The following ESF1 variants were observed in gnomAD, a reference collection of about 807,000 sequenced individuals.
ESF1 encodes the protein ESF1 homolog.
ESF1 carries 58 observed loss-of-function variants against 92.0 expected under a neutral mutation model. That is an observed-to-expected ratio of 0.63 (90% confidence interval 0.51 to 0.78). The LOEUF is 0.78. ESF1 is among the 30% of genes least tolerant of loss of function. The pLI is 0.00. For missense variants in ESF1, 922 were observed against 989.1 expected, an observed-to-expected ratio of 0.93 and a Z score of 0.91; for synonymous variants, 321 against 313.7, an observed-to-expected ratio of 1.02 and a Z score of -0.24.
intron 11 of ESF1, among the ~76,000 whole-genome samples, chr20:13,723,789 T>G (rs2147721770): frequency 6.6e-6 from 1 of 152,322 alleles, no homozygotes; most frequent in East Asian, 1.9e-4. Context: ...GAACTTGAAC[T>G]GTACACTGAA....
intron 9 of ESF1, among the ~76,000 whole-genome samples, chr20:13,754,127 T>TGA (rs1978767538): frequency 6.6e-6 from 1 of 152,184 alleles, no homozygotes; most frequent in Non-Finnish European, 1.5e-5. Flanking sequence ...TTCCCATTCT[T>TGA]CCTTCAAACC....
At chr20:13,773,999 G>C (rs1979809552) in intron 4 of ESF1, among the ~76,000 whole-genome samples, 1 of 152,022 alleles carries the variant, frequency 6.6e-6, no homozygotes, top group Non-Finnish European at 1.5e-5. Flanking sequence ...GGAGGCTGAG[G>C]CAGGAGAATG....
Position 13,782,722 on chromosome 20 carries a change from ATTTT to A in ESF1, c.415_418del (p.Lys139Ter). On this transcript the variant is annotated frameshift_variant, in exon 2 of 14. Transcript: ENST00000617257. LOFTEE classifies it high-confidence loss of function. Reference sequence around the variant, plus strand: ...TATCTTAAATTTACATGAGGTTTTCATTTTTTTAATTCCTATAGAATTATCTAAA... The same window carrying A: ...TATCTTAAATTTACATGAGGTTTTCATTTAATTCCTATAGAATTATCTAAA... The A allele has an allele frequency of 6.3e-7, 1 of 1,585,904 alleles. No homozygotes were observed. Among genetic ancestry groups the A allele is most frequent in the Non-Finnish European group, 8.5e-7 (1 of 1,171,706 alleles).
In ESF1 at chr20:13,728,419, T is replaced by C. The variant is rs766457638; in HGVS notation, c.1997A>G (p.Asp666Gly). 6 of 1,613,308 alleles carry C rather than the reference T, an allele frequency of 3.7e-6. No homozygotes were observed. Among genetic ancestry groups the C allele is most frequent in the Non-Finnish European group, 5.1e-6 (6 of 1,179,650 alleles). ...ASEEELPSDV[D>G]LNDPYFAEEV... ...TTCAGCAAAGTATGGGTCATTCAAA[T>C]CAACATCAGAGGGAAGTTCCTCTTC... is the stretch of plus-strand genomic sequence containing the variant. Residue 666 changes from aspartate (D) to glycine (G), a missense_variant, in exon 11 of 14, where the codon GAT (aspartate) becomes GGT (glycine). By Grantham distance (94) the Asp-to-Gly change is moderately conservative. Transcript: ENST00000617257.
In ESF1 at chr20:13,769,787, A is replaced by G. The variant is rs1979597280; in HGVS notation, c.1518+120T>C. The G allele has an allele frequency of 8.1e-6, 6 of 742,358 alleles. No homozygotes were observed. The South Asian group carries it at 9.8e-5, about 12-fold the overall frequency. 46.0% of individuals were successfully genotyped at this position (742,358 alleles called of 1,614,324 possible). A position where few individuals can be genotyped will look rare whatever the true frequency, so the allele number is the denominator to read the frequency against. On this transcript the variant is annotated intron_variant, in intron 7 of 13. Transcript: ENST00000617257. ...GGTGAGAGAGCGAGACTCTGTCTCA[A>G]GAAAAAATAATAACAAAAAAATTAA...
intron 11 of ESF1, among the ~76,000 whole-genome samples, chr20:13,722,790 G>A (rs2049876628): frequency 6.6e-6 from 1 of 151,652 alleles, no homozygotes; most frequent in Non-Finnish European, 1.5e-5. Flanking sequence ...AGAGTTCGAG[G>A]CTGCAGTGAG....
intron 9 of ESF1, among the ~76,000 whole-genome samples, chr20:13,748,429 CATAT>C (rs549400464): frequency 2.8e-5 from 4 of 143,902 alleles, no homozygotes; most frequent in Non-Finnish European, 4.5e-5. Flanking sequence ...TACATATACA[CATAT>C]ATATACACAT....
chr20:13,725,002 C>A (rs1040218379), intron 11 of ESF1, among the ~76,000 whole-genome samples: 1 of 152,182 alleles, frequency 6.6e-6, no homozygotes, highest in Non-Finnish European at 1.5e-5. Context: ...TCTGGCCTGG[C>A]CTTCAAATTT....
rs2049808517 is a variant in ESF1 at position 13,714,405 on chromosome 20, T to C, written c.*469A>G. 6.6e-6 allele frequency: 1 copy of C among 152,332 alleles called. No individual in the cohort carries two copies. The highest frequency in any genetic ancestry group is 1.5e-5 in the Non-Finnish European group (1 of 68,132). 9.4% of individuals were successfully genotyped at this position (152,332 alleles called of 1,614,324 possible). ...GACTAAACAACAAAAAGTTCTTGACTTCCATCCTTTATGGCTAGAAAAATA... is the reference window on the plus strand; with the variant it reads ...GACTAAACAACAAAAAGTTCTTGACCTCCATCCTTTATGGCTAGAAAAATA... On this transcript the variant is annotated 3_prime_UTR_variant, in exon 14 of 14. Coordinates refer to ENST00000617257, the MANE Select transcript of ESF1 (RefSeq NM_001276380.2).
At chr20:13,724,518 A>C (rs2049888478) in intron 11 of ESF1, among the ~76,000 whole-genome samples, 1 of 152,174 alleles carries the variant, frequency 6.6e-6, no homozygotes. Flanking sequence ...TCATGAGTAC[A>C]AAATGTTAAC....
intron 11 of ESF1, among the ~76,000 whole-genome samples, chr20:13,721,995 C>T (rs911214558): frequency 2.6e-5 from 4 of 152,216 alleles, no homozygotes; most frequent in African/African-American, 4.8e-5. Flanking sequence ...AAATTTACCA[C>T]TGCTCCTATG....
At chr20:13,767,536 A>G (rs564947532) in intron 7 of ESF1, among the ~76,000 whole-genome samples, 13 of 152,250 alleles carry the variant, frequency 8.5e-5, no homozygotes, top group African/African-American at 3.1e-4. Flanking sequence ...TCTCAAAAAA[A>G]AAAAAAAAAG....
intron 9 of ESF1, among the ~76,000 whole-genome samples, chr20:13,754,770 C>A (rs996406734): frequency 5.9e-5 from 9 of 152,204 alleles, no homozygotes; most frequent in African/African-American, 2.2e-4. Context: ...GAGCTCAAAA[C>A]TCTCCAGTGG....
At chr20:13,721,299 CTTA>C (rs1208936902) in intron 11 of ESF1, among the ~76,000 whole-genome samples, 1 of 152,124 alleles carries the variant, frequency 6.6e-6, no homozygotes, top group Non-Finnish European at 1.5e-5. Context: ...TAACTGAGCA[CTTA>C]TTATGTTGCG....
chr20:13,730,703 A>ATTT (rs750007187), intron 10 of ESF1, among the ~76,000 whole-genome samples: 2 of 143,548 alleles, frequency 1.4e-5, no homozygotes, highest in Non-Finnish European at 1.5e-5. Flanking sequence ...GCTTCTAAGA[A>ATTT]TTTTTTTTTT....
At chr20:13,775,315 T>C in intron 3 of ESF1, 45 bp from the exon 4 acceptor site, 2 of 1,217,222 alleles carry the variant, frequency 1.6e-6, no homozygotes, top group Admixed American at 2.2e-5. Flanking sequence ...CATATCATTC[T>C]CAATACTTGA....
intron 5 of ESF1, among the ~76,000 whole-genome samples, chr20:13,771,693 G>GT (rs1369199390): frequency 3.3e-5 from 5 of 152,018 alleles, no homozygotes; most frequent in Non-Finnish European, 7.4e-5. Flanking sequence ...TTGGAATTTG[G>GT]TATCTAGGAA....
chr20:13,768,501 G>C (rs1217818322), intron 7 of ESF1, among the ~76,000 whole-genome samples: 1 of 152,018 alleles, frequency 6.6e-6, no homozygotes, highest in African/African-American at 2.4e-5. Flanking sequence ...AGAATCACTT[G>C]AACCTGGGAG....
chr20:13,769,830 G>T, intron 7 of ESF1, 77 bp downstream of exon 7: 2 of 932,502 alleles, frequency 2.1e-6, no homozygotes, highest in South Asian at 1.5e-5. Context: ...CATTTTTAAA[G>T]ATGCTATAAG....
Sources: gnomAD v4.1 joint callset for allele counts (sites outside exome capture counted in the v4.1 genomes callset) on GRCh38, gnomAD v4.1.1 for gene constraint, MANE v1.5 for transcripts, NCBI Gene and HGNC (gene_info 2026-07-23, HGNC 2026-07-21) for gene names.